The following DSE variants were observed in gnomAD, a reference collection of about 807,000 sequenced individuals.
DSE encodes the protein dermatan sulfate epimerase.
In DSE, 36 loss-of-function variants were observed where a neutral mutation model predicts 84.4. The observed-to-expected ratio is 0.43, with a 90% CI of 0.33 to 0.56. The LOEUF is 0.56. Ranked by LOEUF, DSE falls within the 20% of genes least tolerant of loss-of-function variation. The pLI is 0.06. For missense variants in DSE, 862 were observed against 1,169.6 expected (o/e 0.74, Z 3.84); for synonymous variants, 410 against 430.1 (o/e 0.95, Z 0.58).
intron 2 of DSE, among the ~76,000 whole-genome samples, chr6:116,418,495 C>G (rs1374146937): frequency 6.6e-6 from 1 of 151,994 alleles, no homozygotes; most frequent in Non-Finnish European, 1.5e-5. Flanking sequence ...TTCAGGAAAT[C>G]TACATGATTG....
At chr6:116,307,964 G>C (rs6568932) in intron 2 of DSE, among the ~76,000 whole-genome samples, 6,702 of 152,264 alleles carry the variant, frequency 0.044, 253 homozygotes, top group African/African-American at 0.095. Flanking sequence ...CTCAGAGATT[G>C]CTTTTGCTTG....
At chr6:116,404,982 T>TTTCTC (rs1409648529) in intron 2 of DSE, among the ~76,000 whole-genome samples, 3 of 146,758 alleles carry the variant, frequency 2.0e-5, no homozygotes, top group Admixed American at 6.7e-5. Context: ...AGAGAAGTAA[T>TTTCTC]TGTGTTTTTT....
At chr6:116,409,726 A>C (rs1031463652) in intron 2 of DSE, among the ~76,000 whole-genome samples, 5 of 152,234 alleles carry the variant, frequency 3.3e-5, no homozygotes, top group Admixed American at 3.3e-4. Context: ...GCATATTAAT[A>C]CTAGTAGTGG....
intron 2 of DSE, among the ~76,000 whole-genome samples, chr6:116,334,167 T>C (rs1365469720): frequency 6.6e-6 from 1 of 152,222 alleles, no homozygotes; most frequent in African/African-American, 2.4e-5. Flanking sequence ...TCTCTGTATC[T>C]TCAGCATATC....
Position 116,437,067 on chromosome 6 carries a change from T to C in DSE, c.2599T>C (p.Tyr867His), listed in dbSNP as rs778229447. The change falls in exon 6 of 6, where the codon TAC becomes CAC. Residue 867 changes from tyrosine (Y) to histidine (H), a missense_variant. Coordinates refer to ENST00000644252, the MANE Select transcript of DSE (RefSeq NM_013352.4). ...KDLLDFADVTYEKHKNGGLIK... is the reference protein window; with the variant it reads ...KDLLDFADVTHEKHKNGGLIK... ...CCTTTTAGATTTTGCAGATGTAACATACGAGAAACATAAAAATGGGGGCTT... is the reference window on the plus strand; with the variant it reads ...CCTTTTAGATTTTGCAGATGTAACACACGAGAAACATAAAAATGGGGGCTT... 8.1e-6 allele frequency: 13 copies of C among 1,613,990 alleles called. No homozygotes were observed. Among genetic ancestry groups the C allele is most frequent in the Non-Finnish European group, 1.1e-5 (13 of 1,180,008 alleles).
At chr6:116,361,865 T>C (rs149535269) in intron 2 of DSE, among the ~76,000 whole-genome samples, 4 of 152,332 alleles carry the variant, frequency 2.6e-5, no homozygotes, top group Non-Finnish European at 5.9e-5. Context: ...ATCAACTGAT[T>C]AATGAAAAGG....
intron 2 of DSE, among the ~76,000 whole-genome samples, chr6:116,412,032 C>T (rs1006591335): frequency 1.3e-5 from 2 of 152,116 alleles, no homozygotes; most frequent in African/African-American, 4.8e-5. Context: ...TAACTATACC[C>T]CACAACATTT....
chr6:116,316,826 C>CTTTTATTATTAT (rs1554211541), intron 2 of DSE, among the ~76,000 whole-genome samples: 2 of 145,848 alleles, frequency 1.4e-5, no homozygotes, highest in South Asian at 4.4e-4. Flanking sequence ...ACTACTACTA[C>CTTTTATTATTAT]TATTATTATT....
At chr6:116,304,766 A>C (rs1775244058) in intron 2 of DSE, among the ~76,000 whole-genome samples, 1 of 152,164 alleles carries the variant, frequency 6.6e-6, no homozygotes, top group Non-Finnish European at 1.5e-5. Context: ...GGAAATCCCC[A>C]GAGTCCCCCC....
chr6:116,279,899 G>A (rs1467845355), intron 2 of DSE: 9 of 1,603,508 alleles, frequency 5.6e-6, no homozygotes, highest in Admixed American at 5.0e-5. Context: ...GGAGCTAACC[G>A]CCGCTCGCAC....
At position 116,436,504 on chromosome 6, in the gene DSE, ACTCT is replaced by A; in HGVS notation, c.2038_2041del (p.Gln681AsnfsTer6). The A allele has an allele frequency of 6.2e-7, 1 of 1,613,890 alleles. No individual in the cohort carries two copies. Among genetic ancestry groups the A allele is most frequent in the South Asian group, 1.1e-5 (1 of 91,078 alleles). On this transcript the variant is annotated frameshift_variant, in exon 6 of 6. Transcript: ENST00000644252. LOFTEE classifies it high-confidence loss of function. ...GTTCAGAGCTTCACTGTCCACGGAGACTCTCAGCAACTGGATGTGTTCATAGCCA... is the reference window on the plus strand; with the variant it reads ...GTTCAGAGCTTCACTGTCCACGGAGACAGCAACTGGATGTGTTCATAGCCA...
Position 116,358,177 on chromosome 6 carries a change from C to G in DSE, c.-53-41021C>G, listed in dbSNP as rs552361424. 4.6e-5 allele frequency among the ~76,000 whole-genome samples: 7 copies of G among 152,270 alleles called. 1 individual carries two copies. In the South Asian group the frequency reaches 1.5e-3, roughly 32 times the overall value. On this transcript the variant is annotated intron_variant, in intron 2 of 3. Transcript: ENST00000430252. The stretch of plus-strand genomic sequence containing the variant: ...AGCAAAAATTCCTGATCATGAGTCT[C>G]TTTCCTACATGACTTGTAGGTGATT...
chr6:116,361,158 C>T (rs1383443736), intron 2 of DSE, among the ~76,000 whole-genome samples: 1 of 151,990 alleles, frequency 6.6e-6, no homozygotes, highest in Non-Finnish European at 1.5e-5. Flanking sequence ...TTCCTGGGTT[C>T]AGGCGATTCT....
intron 3 of DSE, among the ~76,000 whole-genome samples, chr6:116,428,756 A>G (rs1181993609): frequency 7.2e-5 from 11 of 152,264 alleles, no homozygotes; most frequent in Non-Finnish European, 1.6e-4. Flanking sequence ...TAAATATAAA[A>G]TGAGTATATT....
At chr6:116,327,243 A>G (rs1033733314) in intron 2 of DSE, among the ~76,000 whole-genome samples, 2 of 152,246 alleles carry the variant, frequency 1.3e-5, no homozygotes, top group Non-Finnish European at 2.9e-5. Context: ...CAGAGAGACT[A>G]AACTATTGAC....
intron 2 of DSE, chr6:116,279,987 G>T: frequency 9.3e-7 from 1 of 1,076,666 alleles, no homozygotes. Flanking sequence ...GCGAGAACTT[G>T]CTGAGCCCGG....
intron 2 of DSE, among the ~76,000 whole-genome samples, chr6:116,330,276 A>C (rs1440761260): frequency 3.9e-5 from 6 of 152,178 alleles, no homozygotes; most frequent in Non-Finnish European, 8.8e-5. Context: ...GGACATAATT[A>C]TTATTTGTTT....
chr6:116,322,914 T>C (rs1415163016), intron 2 of DSE, among the ~76,000 whole-genome samples: 1 of 152,156 alleles, frequency 6.6e-6, no homozygotes, highest in African/African-American at 2.4e-5. Flanking sequence ...TAGAGCAAGT[T>C]GGAGTGTTAG....
At chr6:116,361,681 G>A (rs1181047965) in intron 2 of DSE, among the ~76,000 whole-genome samples, 3 of 152,048 alleles carry the variant, frequency 2.0e-5, no homozygotes, top group Non-Finnish European at 4.4e-5. Context: ...GTGTGTGTGT[G>A]TATCTCATAA....
Sources: allele counts gnomAD v4.1 joint callset (sites outside exome capture counted in the v4.1 genomes callset), GRCh38; gene constraint gnomAD v4.1.1; transcripts MANE v1.5; gene names NCBI Gene and HGNC (gene_info 2026-07-23, HGNC 2026-07-21).